Variants in ARHGAP10 observed in about 807,000 individuals in gnomAD.
ARHGAP10 encodes Rho GTPase activating protein 10, also known as rho GTPase-activating protein 10.
Under a neutral mutation model 108.6 loss-of-function variants are expected in ARHGAP10, and 87 were observed. That is an observed-to-expected ratio of 0.80 (90% confidence interval 0.67 to 0.96). The LOEUF is 0.96. Ranked by LOEUF, ARHGAP10 falls within the 40% of genes least tolerant of loss-of-function variation. ARHGAP10 has a pLI of 0.00. For missense variants in ARHGAP10, 939 were observed against 954.5 expected, an observed-to-expected ratio of 0.98 and a Z score of 0.21; for synonymous variants, 347 against 341.1, an observed-to-expected ratio of 1.02 and a Z score of -0.19.
intron 1 of ARHGAP10, among the ~76,000 whole-genome samples, chr4:147,741,181 T>A (rs1214775914): frequency 6.6e-6 from 1 of 152,218 alleles, no homozygotes; most frequent in African/African-American, 2.4e-5. Context: ...TTTTGGATGA[T>A]AAAACTAAAT....
chr4:147,995,190 C>T (rs757806644), intron 18 of ARHGAP10, among the ~76,000 whole-genome samples: 2 of 152,182 alleles, frequency 1.3e-5, no homozygotes, highest in Non-Finnish European at 2.9e-5. Flanking sequence ...TGGCAGCCTT[C>T]CCATTCATTC....
chr4:147,911,035 C>A (rs1736709097), intron 12 of ARHGAP10, among the ~76,000 whole-genome samples: 1 of 151,996 alleles, frequency 6.6e-6, no homozygotes, highest in Non-Finnish European at 1.5e-5. Context: ...CTTTCCCTTT[C>A]CTCATTCCCT....
chr4:147,947,943 GT>G (rs35309386), intron 15 of ARHGAP10, among the ~76,000 whole-genome samples: 74,054 of 117,766 alleles, frequency 0.63, 25,413 homozygotes, highest in Non-Finnish European at 0.82. Context: ...ACCTGCCACT[GT>G]TTTTTTTTTT....
At chr4:147,766,129 T>A (rs28726377) in intron 1 of ARHGAP10, among the ~76,000 whole-genome samples, 4,015 of 145,018 alleles carry the variant, frequency 0.028, 179 homozygotes, top group African/African-American at 0.092. Flanking sequence ...GGAAAAAAAA[T>A]AAATAAATAA....
chr4:147,879,120 C>A, intron 8 of ARHGAP10, 112 bp from the exon 9 acceptor site: 1 of 754,236 alleles, frequency 1.3e-6, no homozygotes, highest in African/African-American at 1.8e-5. Context: ...TTCATTGATT[C>A]AGCTGTATTC....
intron 1 of ARHGAP10, among the ~76,000 whole-genome samples, chr4:147,747,596 A>G (rs965756341): frequency 3.3e-5 from 5 of 152,158 alleles, no homozygotes; most frequent in African/African-American, 9.7e-5. Context: ...GAGGGAGGAT[A>G]TGAGTGGAGA....
At chr4:148,016,004 A>G (rs771242456) in intron 18 of ARHGAP10, among the ~76,000 whole-genome samples, 5 of 152,222 alleles carry the variant, frequency 3.3e-5, no homozygotes, top group Admixed American at 6.5e-5. Flanking sequence ...GTTGGAGGCA[A>G]TGGAACACAT....
chr4:147,806,589 T>G (rs1731792871), intron 1 of ARHGAP10, among the ~76,000 whole-genome samples: 2 of 152,100 alleles, frequency 1.3e-5, no homozygotes, highest in African/African-American at 4.8e-5. Context: ...AAGAAAGTAT[T>G]GCTGTGGGAA....
chr4:147,937,218 G>A (rs1040170134), intron 13 of ARHGAP10, among the ~76,000 whole-genome samples: 1 of 151,734 alleles, frequency 6.6e-6, no homozygotes, highest in Non-Finnish European at 1.5e-5. Context: ...CTATCAGCAG[G>A]GTTAATTTCT....
chr4:147,869,833 T>TA (rs1160702073), intron 7 of ARHGAP10, among the ~76,000 whole-genome samples: 1 of 152,092 alleles, frequency 6.6e-6, no homozygotes, highest in Non-Finnish European at 1.5e-5. Flanking sequence ...CACAAGCACT[T>TA]ATGAAAAGCA....
At chr4:148,061,632 C>T (rs1410260738) in intron 20 of ARHGAP10, among the ~76,000 whole-genome samples, 1 of 151,388 alleles carries the variant, frequency 6.6e-6, no homozygotes, top group Non-Finnish European at 1.5e-5. Context: ...TTTTAAATGA[C>T]CCCCTTTTTT....
intron 7 of ARHGAP10, among the ~76,000 whole-genome samples, chr4:147,869,998 T>TTTTTTTTGTCTGTGTGTG (rs1553958574): frequency 5.4e-5 from 5 of 93,068 alleles, no homozygotes; most frequent in African/African-American, 1.8e-4. Context: ...AAGTCCCAGT[T>TTTTTTTTGTCTGTGTGTG]TGTGTGTGTG....
chr4:148,049,614 C>A (rs1024088279), intron 20 of ARHGAP10, among the ~76,000 whole-genome samples: 3 of 152,010 alleles, frequency 2.0e-5, no homozygotes, highest in African/African-American at 2.4e-5. Context: ...CTACAGGGAG[C>A]CTCTAAAGAG....
chr4:147,989,869 G>A (rs572551282), intron 18 of ARHGAP10, among the ~76,000 whole-genome samples: 236 of 152,300 alleles, frequency 1.5e-3, no homozygotes, highest in Middle Eastern at 3.4e-3. Context: ...ATATTGATTG[G>A]GGAAGTGATA....
rs146763352 is a variant in ARHGAP10, at chr4:147,937,466, G to A, written c.1229-2359G>A. On this transcript the variant is annotated intron_variant, in intron 13 of 22. Transcript: ENST00000336498. ...GGACGTCAACAGATGAATTTGTGGG[G>A]ATACAATTCAGCCTATAACAGAAGG... is the stretch of plus-strand genomic sequence containing the variant. Among the ~76,000 whole-genome samples, 512 of 152,158 alleles carry A rather than the reference G, an allele frequency of 3.4e-3. 7 individuals are homozygous for A. Among genetic ancestry groups the A allele is most frequent in the Admixed American group, 0.029 (446 of 15,282 alleles).
At chr4:147,865,388 A>C (rs1013696667) in intron 6 of ARHGAP10, 1 of 153,230 alleles carries the variant, frequency 6.5e-6, no homozygotes, top group Non-Finnish European at 1.5e-5. Flanking sequence ...CTAAGTTTAG[A>C]AGCAGGATAT....
At chr4:147,981,982 C>T (rs1739825205) in intron 18 of ARHGAP10, among the ~76,000 whole-genome samples, 2 of 152,188 alleles carry the variant, frequency 1.3e-5, no homozygotes, top group South Asian at 4.1e-4. Context: ...CTCTTGCAAA[C>T]AGCAGAAGGA....
chr4:148,017,917 G>A (rs1413724522), intron 18 of ARHGAP10, among the ~76,000 whole-genome samples: 2 of 151,974 alleles, frequency 1.3e-5, no homozygotes, highest in African/African-American at 4.8e-5. Context: ...TGAAGGACTT[G>A]GGGAGGGATT....
intron 13 of ARHGAP10, 128 bp from the exon 14 acceptor site, chr4:147,939,697 A>C (rs1476392438): frequency 1.2e-6 from 1 of 825,122 alleles, no homozygotes; most frequent in African/African-American, 1.7e-5. Flanking sequence ...TGATTTTTTC[A>C]AAGGTTATTT....
Sources: allele counts gnomAD v4.1 joint callset (sites outside exome capture counted in the v4.1 genomes callset), GRCh38; gene constraint gnomAD v4.1.1; transcripts MANE v1.5; gene names NCBI Gene and HGNC (gene_info 2026-07-23, HGNC 2026-07-21).